The following IKZF2 variants were observed in gnomAD, a reference collection of about 807,000 sequenced individuals.
IKZF2 encodes IKAROS family zinc finger 2.
In IKZF2, 15 loss-of-function variants were observed where a neutral mutation model predicts 49.2. The observed-to-expected ratio is 0.30, with a 90% CI of 0.20 to 0.47. The LOEUF (loss-of-function observed/expected upper bound fraction) is 0.47. Ranked by LOEUF, IKZF2 falls within the 20% of genes least tolerant of loss-of-function variation. IKZF2 has a pLI of 1.00. For missense variants in IKZF2, 567 were observed against 664.6 expected (o/e 0.85, Z 1.61); for synonymous variants, 227 against 221.4 (o/e 1.03, Z -0.23).
At chr2:213,008,450 T>C (rs1418623790) in intron 8 of IKZF2, among the ~76,000 whole-genome samples, 1 of 152,050 alleles carries the variant, frequency 6.6e-6, no homozygotes, top group African/African-American at 2.4e-5. Context: ...CAGGCTGGTC[T>C]AGAACTCCTG....
At chr2:213,076,580 T>C (rs1198210959) in intron 4 of IKZF2, among the ~76,000 whole-genome samples, 1 of 152,220 alleles carries the variant, frequency 6.6e-6, no homozygotes, top group Non-Finnish European at 1.5e-5. Context: ...TCACTGCTAG[T>C]TATTATAATA....
At chr2:213,150,704 G>C (rs900173381) in intron 1 of IKZF2, among the ~76,000 whole-genome samples, 14 of 112,620 alleles carry the variant, frequency 1.2e-4, no homozygotes, top group African/African-American at 2.5e-4. Context: ...GAAAGAAAAG[G>C]GGGGGGGGGC....
At chr2:213,076,407 G>T (rs6435755) in intron 4 of IKZF2, among the ~76,000 whole-genome samples, 1 of 151,946 alleles carries the variant, frequency 6.6e-6, no homozygotes, top group Non-Finnish European at 1.5e-5. Context: ...CAAATAATGT[G>T]TAGTAGGCAT....
chr2:213,073,624 T>C (rs1450702962), intron 4 of IKZF2, among the ~76,000 whole-genome samples: 4 of 152,190 alleles, frequency 2.6e-5, no homozygotes, highest in Non-Finnish European at 5.9e-5. Context: ...GTAAAGCATA[T>C]ATTAAACAAA....
At position 213,147,819 on chromosome 2, in the gene IKZF2, T is replaced by C. The variant is rs2061132966; in HGVS notation, c.35-7A>G. ...GGTGAAAGCTCATTGTCACCTGCTT[T>C]CACAAAATATAATCTTTTGGTTTCT... On this transcript the variant is annotated splice_region_variant and splice_polypyrimidine_tract_variant and intron_variant, in intron 3 of 8. Coordinates refer to ENST00000434687, the MANE Select transcript of IKZF2 (RefSeq NM_001387220.1). 6.3e-7 allele frequency: 1 copy of C among 1,595,840 alleles called. No individual in the cohort carries two copies. The highest frequency in any genetic ancestry group is 1.1e-5 in the South Asian group (1 of 90,690).
intron 4 of IKZF2, among the ~76,000 whole-genome samples, chr2:213,069,358 T>C (rs1329010737): frequency 6.6e-6 from 1 of 152,132 alleles, no homozygotes; most frequent in Non-Finnish European, 1.5e-5. Context: ...AACATATGAA[T>C]AACCATTAAA....
intron 5 of IKZF2, chr2:213,056,555 T>A (rs759187660): frequency 1.9e-6 from 1 of 529,558 alleles, no homozygotes; most frequent in Non-Finnish European, 3.4e-6. Context: ...CACAATGAAA[T>A]TCTCCTATAC....
At chr2:213,101,546 A>C (rs1706663942) in intron 4 of IKZF2, among the ~76,000 whole-genome samples, 1 of 53,468 alleles carries the variant, frequency 1.9e-5, no homozygotes, top group South Asian at 3.1e-4. Flanking sequence ...GATAATTCTG[A>C]GATTACAAAA....
chr2:213,081,257 C>T (rs776764337), intron 4 of IKZF2: 7 of 153,296 alleles, frequency 4.6e-5, no homozygotes, highest in Non-Finnish European at 8.8e-5. Flanking sequence ...AGGATATTAG[C>T]CAGAACAGAA....
At chr2:213,099,383 G>A (rs879726012) in intron 4 of IKZF2, among the ~76,000 whole-genome samples, 17 of 152,094 alleles carry the variant, frequency 1.1e-4, no homozygotes, top group Non-Finnish European at 2.2e-4. Context: ...TTTTTGAAAA[G>A]GGATTCTTTC....
chr2:213,008,035 G>A lies in IKZF2; in HGVS notation c.906C>T (p.Asn302=), dbSNP rs1365952335. The A allele has an allele frequency of 1.4e-5, 22 of 1,611,680 alleles. No homozygotes were observed. The highest frequency in any genetic ancestry group is 1.8e-5 in the Non-Finnish European group (21 of 1,179,198). Residue 302 remains asparagine, a synonymous_variant, in exon 9 of 9, where the codon AAC becomes AAT. Coordinates refer to ENST00000434687, the MANE Select transcript of IKZF2 (RefSeq NM_001387220.1). ...GCTCAGCCTCCTTCTCATATGTTAA[G>A]TTCATATCAAAGTGAATATCTGGGT... ...FSYPDIHFDM[N]LTYEKEAELM...
rs1159124387 is a variant in IKZF2, at chr2:213,007,223, A to G, written c.*137T>C. On this transcript the variant is annotated 3_prime_UTR_variant, in exon 9 of 9. Coordinates refer to ENST00000434687, the MANE Select transcript of IKZF2 (RefSeq NM_001387220.1). Reference sequence around the variant, plus strand: ...GAGCAAATGACACTGCCTCCACAAAATAAGAATTATCAACAGTAATAATAT... The same window carrying G: ...GAGCAAATGACACTGCCTCCACAAAGTAAGAATTATCAACAGTAATAATAT... 4 of 953,546 alleles carry G rather than the reference A, an allele frequency of 4.2e-6. No homozygotes were observed. In the East Asian group the frequency reaches 8.0e-5, roughly 19 times the overall value. 59.1% of individuals were successfully genotyped at this position (953,546 alleles called of 1,614,324 possible). A position where few individuals can be genotyped will look rare whatever the true frequency, so the allele number is the denominator to read the frequency against.
At chr2:213,065,654 C>A (rs1419355449) in intron 4 of IKZF2, among the ~76,000 whole-genome samples, 3 of 151,864 alleles carry the variant, frequency 2.0e-5, no homozygotes, top group Non-Finnish European at 4.4e-5. Context: ...CCATGAAGTA[C>A]GTAATTTTAT....
At chr2:213,080,059 C>T (rs1703760882) in intron 4 of IKZF2, among the ~76,000 whole-genome samples, 1 of 152,066 alleles carries the variant, frequency 6.6e-6, no homozygotes. Context: ...ATTCCAGTTC[C>T]CACAACTTAC....
At chr2:213,053,046 GA>G (rs545499270) in intron 5 of IKZF2, among the ~76,000 whole-genome samples, 2 of 151,900 alleles carry the variant, frequency 1.3e-5, no homozygotes, top group Non-Finnish European at 2.9e-5. Flanking sequence ...GACTTTGTCT[GA>G]AAAAAATATT....
At chr2:213,063,013 C>A (rs1401108399) in intron 4 of IKZF2, among the ~76,000 whole-genome samples, 1 of 151,956 alleles carries the variant, frequency 6.6e-6, no homozygotes, top group Non-Finnish European at 1.5e-5. Context: ...TTTTTAATAT[C>A]CTCAGCAAAA....
chr2:213,011,852 A>G (rs1162694832), intron 8 of IKZF2, among the ~76,000 whole-genome samples: 2 of 152,092 alleles, frequency 1.3e-5, no homozygotes, highest in African/African-American at 4.8e-5. Flanking sequence ...AAGGATGCTC[A>G]GTCAGCTTTA....
At chr2:213,149,870 C>T (rs955612112) in intron 2 of IKZF2, among the ~76,000 whole-genome samples, 6 of 150,910 alleles carry the variant, frequency 4.0e-5, no homozygotes, top group African/African-American at 1.2e-4. Context: ...TAAATTTCAA[C>T]CTGCTGTACT....
intron 4 of IKZF2, among the ~76,000 whole-genome samples, chr2:213,086,380 T>G (rs571549278): frequency 6.6e-6 from 1 of 152,138 alleles, no homozygotes; most frequent in Non-Finnish European, 1.5e-5. Flanking sequence ...CAACAAAATA[T>G]AGTTTTAACA....
Sources: allele counts gnomAD v4.1 joint callset (sites outside exome capture counted in the v4.1 genomes callset), GRCh38; gene constraint gnomAD v4.1.1; transcripts MANE v1.5; gene names NCBI Gene and HGNC (gene_info 2026-07-23, HGNC 2026-07-21).